Variants in LARGE1 observed in about 807,000 individuals in gnomAD.
The protein encoded by LARGE1 is LARGE xylosyl- and glucuronyltransferase 1, also known as xylosyl- and glucuronyltransferase LARGE1.
In LARGE1, 43 loss-of-function variants were observed where a neutral mutation model predicts 87.6. That is an observed-to-expected ratio of 0.49 (90% CI 0.38 to 0.63). The LOEUF is 0.63. LARGE1 is among the 30% of genes least tolerant of loss of function. The pLI is 0.00. For missense variants in LARGE1, 802 were observed against 1,000.2 expected (o/e 0.80, Z 2.67); for synonymous variants, 434 against 394.6 (o/e 1.10, Z -1.18).
At chr22:33,719,531 A>T (rs552759193) in intron 2 of LARGE1, among the ~76,000 whole-genome samples, 101 of 149,822 alleles carry the variant, frequency 6.7e-4, no homozygotes, top group East Asian at 1.6e-3. Context: ...TTATTTATTT[A>T]TTTTTTTGAG....
intron 11 of LARGE1, among the ~76,000 whole-genome samples, chr22:33,167,660 C>G (rs1173856233): frequency 2.6e-5 from 4 of 152,204 alleles, no homozygotes; most frequent in African/African-American, 9.7e-5. Flanking sequence ...AAGCCTGAGA[C>G]AGGATTCTAA....
the LARGE1 span, among the ~76,000 whole-genome samples, chr22:33,155,499 A>G: frequency 6.6e-6 from 1 of 152,100 alleles, no homozygotes; most frequent in Non-Finnish European, 1.5e-5. Context: ...GATCTGTGGA[A>G]CTTTGAACTT....
intron 2 of LARGE1, among the ~76,000 whole-genome samples, chr22:33,699,048 G>A (rs768362998): frequency 6.6e-6 from 1 of 152,184 alleles, no homozygotes; most frequent in Non-Finnish European, 1.5e-5. Flanking sequence ...GTCCTCCTCT[G>A]TAGGCTGACC....
chr22:33,909,613 A>G (rs2065567110), intron 1 of LARGE1, among the ~76,000 whole-genome samples: 1 of 151,368 alleles, frequency 6.6e-6, no homozygotes, highest in African/African-American at 2.4e-5. Flanking sequence ...ATATCGGCTC[A>G]CTGCAAGCTC....
At chr22:33,609,396 C>T (rs540576169) in intron 4 of LARGE1, among the ~76,000 whole-genome samples, 7 of 152,242 alleles carry the variant, frequency 4.6e-5, no homozygotes, top group South Asian at 2.1e-4. Flanking sequence ...CCATATATGA[C>T]GACTCTACAA....
At chr22:33,713,293 A>G (rs1443278149) in intron 2 of LARGE1, among the ~76,000 whole-genome samples, 1 of 152,174 alleles carries the variant, frequency 6.6e-6, no homozygotes, top group African/African-American at 2.4e-5. Flanking sequence ...CCAGGATCAG[A>G]TAAAGAAAAA....
At chr22:33,916,287 A>C (rs1177327419) in intron 1 of LARGE1, among the ~76,000 whole-genome samples, 1 of 152,078 alleles carries the variant, frequency 6.6e-6, no homozygotes, top group East Asian at 1.9e-4. Flanking sequence ...TCTCAAAAAA[A>C]AAAGAAAAAA....
At chr22:33,635,127 A>G (rs2080233041) in intron 3 of LARGE1, among the ~76,000 whole-genome samples, 2 of 151,868 alleles carry the variant, frequency 1.3e-5, no homozygotes, top group African/African-American at 2.4e-5. Context: ...CCAAAAAAAA[A>G]AAAAGAAAAA....
At chr22:33,865,327 C>A (rs954575629) in intron 1 of LARGE1, among the ~76,000 whole-genome samples, 1 of 152,162 alleles carries the variant, frequency 6.6e-6, no homozygotes, top group African/African-American at 2.4e-5. Flanking sequence ...ACTCTGACCT[C>A]GAAGTAGATT....
the LARGE1 span, among the ~76,000 whole-genome samples, chr22:33,144,482 T>A: frequency 6.6e-6 from 1 of 152,294 alleles, no homozygotes; most frequent in African/African-American, 2.4e-5. Context: ...CACACATATA[T>A]AGTTGTTGCA....
At chr22:33,689,124 G>T (rs1603156166) in intron 2 of LARGE1, among the ~76,000 whole-genome samples, 1 of 150,328 alleles carries the variant, frequency 6.7e-6, no homozygotes, top group Middle Eastern at 3.4e-3. Flanking sequence ...GCGTGCTACT[G>T]CAAGGGCTGA....
intron 6 of LARGE1, among the ~76,000 whole-genome samples, chr22:33,479,854 C>T (rs961388808): frequency 3.3e-5 from 5 of 151,320 alleles, no homozygotes; most frequent in South Asian, 4.2e-4. Context: ...AAGCAATTCT[C>T]GTGCCTCAGT....
chr22:33,592,805 A>C (rs1342589458), intron 5 of LARGE1, among the ~76,000 whole-genome samples: 3 of 151,904 alleles, frequency 2.0e-5, no homozygotes, highest in Non-Finnish European at 1.5e-5. Context: ...ACACTTGTGT[A>C]TATTTTCTTT....
intron 6 of LARGE1, among the ~76,000 whole-genome samples, chr22:33,545,799 G>A (rs986900639): frequency 8.5e-5 from 13 of 152,298 alleles, no homozygotes; most frequent in African/African-American, 2.6e-4. Context: ...GCCCAGGCTG[G>A]TTTCGAACTC....
chr22:33,337,910 TGCTCATTC>T (rs1938669232), intron 9 of LARGE1, 109 bp from the exon 10 acceptor site: 3 of 1,217,546 alleles, frequency 2.5e-6, no homozygotes, highest in Non-Finnish European at 3.6e-6. Context: ...TTTGAGGGTC[TGCTCATTC>T]GCTCATTCAA....
chr22:33,616,986 T>C (rs965153851), intron 4 of LARGE1, among the ~76,000 whole-genome samples: 1 of 152,240 alleles, frequency 6.6e-6, no homozygotes, highest in Non-Finnish European at 1.5e-5. Context: ...CTCAGAGGAA[T>C]AGGCAAATAT....
chr22:33,201,338 GAA>G (rs1924374633), intron 11 of LARGE1, among the ~76,000 whole-genome samples: 1 of 88,956 alleles, frequency 1.1e-5, no homozygotes, highest in African/African-American at 5.3e-5. Flanking sequence ...AAGAGAGAGA[GAA>G]AGAAAGAGAG....
chr22:33,903,511 G>A (rs2065346041), intron 1 of LARGE1, among the ~76,000 whole-genome samples: 1 of 152,048 alleles, frequency 6.6e-6, no homozygotes, highest in African/African-American at 2.4e-5. Context: ...CATTGTCAGA[G>A]ATTCTTCACC....
At chr22:33,845,539 C>CA (rs1292135777) in intron 1 of LARGE1, among the ~76,000 whole-genome samples, 1 of 151,888 alleles carries the variant, frequency 6.6e-6, no homozygotes, top group African/African-American at 2.4e-5. Flanking sequence ...AACTCCTGAC[C>CA]TCAGATCATC....
Sources: gnomAD v4.1 joint callset for allele counts (sites outside exome capture counted in the v4.1 genomes callset) on GRCh38, gnomAD v4.1.1 for gene constraint, MANE v1.5 for transcripts, NCBI Gene and HGNC (gene_info 2026-07-23, HGNC 2026-07-21) for gene names.